SGCZ: variants seen among roughly 807,000 people sequenced by gnomAD.
The protein encoded by SGCZ is sarcoglycan zeta.
A neutral mutation model predicts 41.3 loss-of-function variants in SGCZ; 40 were observed. The ratio of observed to expected loss-of-function variants is 0.97; its 90% CI spans 0.75 to 1.26. The LOEUF (loss-of-function observed/expected upper bound fraction) is 1.26. SGCZ is among the 50% of genes most tolerant of loss of function. The pLI is 0.00. For synonymous variants in SGCZ, 206 were observed against 137.5 expected (o/e 1.50, Z -3.49); for missense variants, 552 against 369.8 (o/e 1.49, Z -4.04).
intron 3 of SGCZ, among the ~76,000 whole-genome samples, chr8:14,276,479 A>T (rs10091656): frequency 0.22 from 32,888 of 152,000 alleles, 3,753 homozygotes; most frequent in East Asian, 0.3. Flanking sequence ...GGCTCTTGAT[A>T]TATTTCTCTC....
rs539157934 is a variant in SGCZ at position 14,125,592 on chromosome 8, C to T, written c.548-17357G>A. On this transcript the variant is annotated intron_variant, in intron 5 of 7. Coordinates refer to ENST00000382080, the MANE Select transcript of SGCZ (RefSeq NM_139167.4). ...CAGATTTAATGCTATTTCCATCAAA[C>T]TACAATGGACATTCTTCATAGAATT... Among the ~76,000 whole-genome samples the T allele has an allele frequency of 2.0e-5, 3 of 151,192 alleles. No individual in the cohort carries two copies. In the South Asian group the frequency reaches 6.3e-4, roughly 32 times the overall value.
At chr8:14,787,147 T>C (rs1164481931) in intron 1 of SGCZ, among the ~76,000 whole-genome samples, 3 of 152,096 alleles carry the variant, frequency 2.0e-5, no homozygotes, top group Non-Finnish European at 2.9e-5. Flanking sequence ...AAGATCCCCA[T>C]GTGCAGAACT....
Position 15,118,992 on chromosome 8 carries a change from C to A in SGCZ, c.39+118593G>T, listed in dbSNP as rs544832196. Among the ~76,000 whole-genome samples the A allele has an allele frequency of 2.0e-5, 3 of 152,238 alleles. No individual in the cohort carries two copies. In the South Asian group the frequency reaches 6.2e-4, roughly 32 times the overall value. On this transcript the variant is annotated intron_variant, in intron 1 of 7. Coordinates refer to ENST00000382080, the MANE Select transcript of SGCZ (RefSeq NM_139167.4). Reference sequence around the variant, plus strand: ...TAAATTACAAAATAGACATTTTTCTCCCAATTCACTGCTATTTGAGTAGAA... The same window carrying A: ...TAAATTACAAAATAGACATTTTTCTACCAATTCACTGCTATTTGAGTAGAA...
At chr8:14,182,671 T>A (rs1804767907) in intron 4 of SGCZ, among the ~76,000 whole-genome samples, 1 of 152,106 alleles carries the variant, frequency 6.6e-6, no homozygotes, top group Non-Finnish European at 1.5e-5. Flanking sequence ...ATAAAATTTG[T>A]TAGATCAGTG....
chr8:14,633,359 T>C (rs944249934), intron 1 of SGCZ, among the ~76,000 whole-genome samples: 3 of 151,964 alleles, frequency 2.0e-5, no homozygotes, highest in Non-Finnish European at 4.4e-5. Context: ...GCTGCCCTGA[T>C]GAAATTTAGT....
intron 1 of SGCZ, among the ~76,000 whole-genome samples, chr8:15,129,047 C>A (rs1244301295): frequency 6.6e-6 from 1 of 152,262 alleles, no homozygotes; most frequent in African/African-American, 2.4e-5. Flanking sequence ...AAGCTATCTC[C>A]CTATTATCTT....
intron 4 of SGCZ, among the ~76,000 whole-genome samples, chr8:14,233,096 A>G (rs1036439119): frequency 1.3e-5 from 2 of 152,022 alleles, no homozygotes; most frequent in African/African-American, 4.8e-5. Flanking sequence ...ATAAACAAAC[A>G]AAACACAAAA....
chr8:14,374,817 A>G (rs1804053471), intron 2 of SGCZ, among the ~76,000 whole-genome samples: 2 of 152,126 alleles, frequency 1.3e-5, no homozygotes, highest in Non-Finnish European at 2.9e-5. Flanking sequence ...ATGGATGTGG[A>G]AAAACATTAT....
At chr8:14,230,152 G>T (rs1452616085) in intron 4 of SGCZ, among the ~76,000 whole-genome samples, 2 of 152,044 alleles carry the variant, frequency 1.3e-5, no homozygotes, top group Non-Finnish European at 2.9e-5. Flanking sequence ...AGGACCAGTA[G>T]ATTCATCAAC....
At chr8:14,102,717 C>A (rs2116984780) in intron 6 of SGCZ, among the ~76,000 whole-genome samples, 1 of 152,192 alleles carries the variant, frequency 6.6e-6, no homozygotes, top group African/African-American at 2.4e-5. Context: ...TTATAAAAAT[C>A]TACATTTATT....
chr8:14,515,995 GT>G (rs33923631), intron 2 of SGCZ, among the ~76,000 whole-genome samples: 13,102 of 151,282 alleles, frequency 0.087, 878 homozygotes, highest in African/African-American at 0.19. Flanking sequence ...GGAAGAAATA[GT>G]TTTTTTTTAA....
intron 1 of SGCZ, among the ~76,000 whole-genome samples, chr8:15,118,979 T>C (rs1318846257): frequency 1.3e-5 from 2 of 152,166 alleles, no homozygotes; most frequent in Non-Finnish European, 2.9e-5. Context: ...AATTACAAAA[T>C]AGACATTTTT....
chr8:14,568,416 G>A (rs1428196277), intron 1 of SGCZ, among the ~76,000 whole-genome samples: 1 of 108,332 alleles, frequency 9.2e-6, no homozygotes, highest in African/African-American at 3.7e-5. Context: ...AGAATTGATC[G>A]TTTTGAAAAA....
intron 3 of SGCZ, among the ~76,000 whole-genome samples, chr8:14,264,337 A>G (rs529268341): frequency 1.0e-3 from 158 of 152,240 alleles, no homozygotes; most frequent in African/African-American, 3.7e-3. Context: ...GGTCCTTCAC[A>G]ATGAGACAGA....
At chr8:14,625,875 T>TAA (rs1806438553) in intron 1 of SGCZ, among the ~76,000 whole-genome samples, 1 of 152,150 alleles carries the variant, frequency 6.6e-6, no homozygotes, top group African/African-American at 2.4e-5. Flanking sequence ...ACCATCACCT[T>TAA]AAAAGGTCAA....
At chr8:14,257,859 T>C (rs1044324208) in intron 3 of SGCZ, among the ~76,000 whole-genome samples, 1 of 152,218 alleles carries the variant, frequency 6.6e-6, no homozygotes, top group Non-Finnish European at 1.5e-5. Context: ...AGAAGAGCTT[T>C]GTTTCTTTTA....
chr8:14,348,712 G>T (rs543860825), intron 2 of SGCZ, among the ~76,000 whole-genome samples: 6 of 152,070 alleles, frequency 3.9e-5, no homozygotes, highest in African/African-American at 1.4e-4. Flanking sequence ...AAATTCAAAA[G>T]CTGATTTGGT....
At chr8:14,484,620 T>C (rs1446732979) in intron 2 of SGCZ, among the ~76,000 whole-genome samples, 1 of 152,166 alleles carries the variant, frequency 6.6e-6, no homozygotes, top group East Asian at 1.9e-4. Flanking sequence ...GTTTTTGCTG[T>C]GGTTTTAAGA....
At chr8:14,123,979 G>C (rs980783098) in intron 5 of SGCZ, among the ~76,000 whole-genome samples, 3 of 152,088 alleles carry the variant, frequency 2.0e-5, no homozygotes, top group African/African-American at 7.2e-5. Flanking sequence ...TAACTTTGAA[G>C]ATAGAGGAAG....
Sources: allele counts gnomAD v4.1 joint callset (sites outside exome capture counted in the v4.1 genomes callset), GRCh38; gene constraint gnomAD v4.1.1; transcripts MANE v1.5; gene names NCBI Gene and HGNC (gene_info 2026-07-23, HGNC 2026-07-21).